The following GLRB variants were observed in gnomAD, a reference collection of about 807,000 sequenced individuals.
The protein encoded by GLRB is glycine receptor beta.
GLRB carries 33 observed loss-of-function variants against 54.2 expected under a neutral mutation model. That is an observed-to-expected ratio of 0.61 (90% CI 0.46 to 0.81). GLRB has a LOEUF of 0.81. Among genes scored for constraint, GLRB ranks in the 40% least tolerant of loss-of-function variants. GLRB has a pLI of 0.00. For missense variants in GLRB, 572 were observed against 584.6 expected (o/e 0.98, Z 0.22); for synonymous variants, 209 against 208.2 (o/e 1.00, Z -0.03).
At position 157,170,385 on chromosome 4, in the gene GLRB, GT is replaced by G. The variant is rs1560982160; in HGVS notation, c.1198-46del. The G allele has an allele frequency of 4.5e-6, 5 of 1,110,506 alleles. No homozygotes were observed. In the East Asian group the frequency reaches 9.4e-5, roughly 21 times the overall value. 68.8% of individuals were successfully genotyped at this position (1,110,506 alleles called of 1,614,324 possible). On this transcript the variant is annotated intron_variant, in intron 9 of 9. Transcript: ENST00000264428. ...AATATCGTTTGAAGAGATGTGTTTCGTAAGTAGAAAAGTTTTAAATACATTG... is the reference window on the plus strand; with the variant it reads ...AATATCGTTTGAAGAGATGTGTTTCGAAGTAGAAAAGTTTTAAATACATTG...
chr4:157,136,117 G>A (rs963882941), intron 4 of GLRB, among the ~76,000 whole-genome samples: 3 of 152,118 alleles, frequency 2.0e-5, no homozygotes, highest in African/African-American at 7.2e-5. Flanking sequence ...TTTTGGGGAA[G>A]AATGATAGTA....
intron 2 of GLRB, among the ~76,000 whole-genome samples, chr4:157,089,234 T>TA (rs931724351): frequency 5.3e-5 from 8 of 150,530 alleles, no homozygotes; most frequent in South Asian, 2.1e-4. Context: ...TACAAAACAT[T>TA]AAAAAAAAAT....
intron 4 of GLRB, among the ~76,000 whole-genome samples, chr4:157,133,887 C>T (rs1451392992): frequency 1.3e-5 from 2 of 151,914 alleles, no homozygotes; most frequent in African/African-American, 4.8e-5. Flanking sequence ...CATGGAGAAA[C>T]ACTATTAAAA....
chr4:157,169,484 T>G (rs919156966), intron 9 of GLRB, among the ~76,000 whole-genome samples: 1 of 152,144 alleles, frequency 6.6e-6, no homozygotes, highest in African/African-American at 2.4e-5. Flanking sequence ...CAGTATCCCC[T>G]GCAGATATCA....
chr4:157,155,617 T>C (rs1046587676), intron 9 of GLRB, among the ~76,000 whole-genome samples: 1 of 152,224 alleles, frequency 6.6e-6, no homozygotes, highest in Non-Finnish European at 1.5e-5. Flanking sequence ...GTTCACTTCC[T>C]TCTGGCCTCC....
chr4:157,120,070 C>A (rs2126528855), intron 2 of GLRB, among the ~76,000 whole-genome samples: 1 of 151,784 alleles, frequency 6.6e-6, no homozygotes, highest in Non-Finnish European at 1.5e-5. Context: ...ATGGTGAGTT[C>A]ATGTCCTTTG....
At chr4:157,158,869 A>G (rs896413241) in intron 9 of GLRB, among the ~76,000 whole-genome samples, 4 of 147,474 alleles carry the variant, frequency 2.7e-5, no homozygotes, top group African/African-American at 1.1e-4. Context: ...TTCTATGAAG[A>G]AAGTCATTGT....
chr4:157,137,358 A>G (rs557506812), intron 6 of GLRB, among the ~76,000 whole-genome samples: 38 of 152,194 alleles, frequency 2.5e-4, no homozygotes, highest in Non-Finnish European at 5.0e-4. Flanking sequence ...TTAATTGATC[A>G]TATATTTTTC....
chr4:157,135,721 GAAT>G (rs1736374197), intron 4 of GLRB, among the ~76,000 whole-genome samples: 1 of 152,096 alleles, frequency 6.6e-6, no homozygotes, highest in African/African-American at 2.4e-5. Context: ...GAATGTAATA[GAAT>G]AATTTTCAGT....
At chr4:157,081,318 A>G (rs1328242417) in intron 2 of GLRB, among the ~76,000 whole-genome samples, 4 of 152,100 alleles carry the variant, frequency 2.6e-5, no homozygotes, top group Non-Finnish European at 4.4e-5. Flanking sequence ...GGTTGTAGTT[A>G]CCATCTACTC....
intron 7 of GLRB, among the ~76,000 whole-genome samples, chr4:157,141,718 C>G (rs1736619429): frequency 1.3e-5 from 2 of 151,906 alleles, no homozygotes; most frequent in African/African-American, 4.8e-5. Flanking sequence ...AAAAAAAGAT[C>G]AAGAAATGTT....
intron 9 of GLRB, among the ~76,000 whole-genome samples, chr4:157,163,817 T>G (rs1384034014): frequency 6.8e-6 from 1 of 148,058 alleles, no homozygotes; most frequent in Non-Finnish European, 1.5e-5. Flanking sequence ...CCTTTTATAG[T>G]CTGTCTGTGT....
chr4:157,148,374 AT>A (rs749146975), intron 8 of GLRB, among the ~76,000 whole-genome samples: 77 of 152,022 alleles, frequency 5.1e-4, no homozygotes, highest in Non-Finnish European at 9.4e-4. Flanking sequence ...CTTTTTATTG[AT>A]TTTTAGCTAT....
intron 3 of GLRB, 32 bp downstream of exon 3, chr4:157,120,694 A>G (rs761982117): frequency 9.9e-7 from 1 of 1,015,130 alleles, no homozygotes; most frequent in East Asian, 2.5e-5. Context: ...GTTCATTTTT[A>G]TTGTTTAAAA....
In GLRB at chr4:157,136,847, C is replaced by T. The variant is rs1287910151; in HGVS notation, c.571C>T (p.Pro191Ser). ...ATGCCCTTTGGACTTGACATTGTTT[C>T]CCATGGATACACAACGTTGCAAGAT... ...LSCPLDLTLFPMDTQRCKMQL... is the reference protein window; with the variant it reads ...LSCPLDLTLFSMDTQRCKMQL... The change falls in exon 6 of 10, where the codon CCC becomes TCC. Residue 191 changes from proline to serine, a missense_variant. By Grantham distance (74) the Pro-to-Ser change is moderately conservative. Coordinates refer to ENST00000264428, the MANE Select transcript of GLRB (RefSeq NM_000824.5). 1 of 1,610,108 alleles carries T rather than the reference C, an allele frequency of 6.2e-7. No individual in the cohort carries two copies. Among genetic ancestry groups the T allele is most frequent in the East Asian group, 2.2e-5 (1 of 44,848 alleles).
chr4:157,080,412 A>G (rs1365832049), intron 2 of GLRB, among the ~76,000 whole-genome samples: 1 of 152,212 alleles, frequency 6.6e-6, no homozygotes, highest in Non-Finnish European at 1.5e-5. Context: ...CTGGCTTGTT[A>G]AAAAGTGGAT....
At chr4:157,119,937 T>C (rs1735744402) in intron 2 of GLRB, among the ~76,000 whole-genome samples, 1 of 151,828 alleles carries the variant, frequency 6.6e-6, no homozygotes, top group Admixed American at 6.6e-5. Context: ...TGCACACATA[T>C]GTGTATTGCG....
intron 2 of GLRB, among the ~76,000 whole-genome samples, chr4:157,105,659 G>C (rs1360964124): frequency 6.6e-6 from 1 of 151,992 alleles, no homozygotes. Flanking sequence ...ACTCTTATCA[G>C]TTCTATCAAT....
intron 2 of GLRB, among the ~76,000 whole-genome samples, chr4:157,119,832 T>G (rs1383281119): frequency 6.6e-6 from 1 of 151,714 alleles, no homozygotes; most frequent in Non-Finnish European, 1.5e-5. Flanking sequence ...TGGCGATTCC[T>G]CAGGGATCTA....
Sources: allele counts gnomAD v4.1 joint callset (sites outside exome capture counted in the v4.1 genomes callset), GRCh38; gene constraint gnomAD v4.1.1; transcripts MANE v1.5; gene names NCBI Gene and HGNC (gene_info 2026-07-23, HGNC 2026-07-21).